The following COL2A1 variants were observed in gnomAD, a reference collection of about 807,000 sequenced individuals.
COL2A1 encodes the protein collagen type II alpha 1 chain, also known as collagen alpha-1(II) chain.
In COL2A1, 28 loss-of-function variants were observed where a neutral mutation model predicts 204.5. The ratio of observed to expected loss-of-function variants is 0.14; its 90% CI spans 0.10 to 0.19. COL2A1 has a LOEUF of 0.19. Among genes scored for constraint, COL2A1 ranks in the 10% least tolerant of loss-of-function variants. COL2A1 has a pLI of 1.00. For missense variants in COL2A1, 1,388 were observed against 2,027.5 expected, an observed-to-expected ratio of 0.68 and a Z score of 6.06; for synonymous variants, 708 against 718.7, an observed-to-expected ratio of 0.99 and a Z score of 0.24.
At position 47,997,644 on chromosome 12, in the gene COL2A1, CA is replaced by C. The variant is rs2136626176; in HGVS notation, c.492del (p.Gly165ValfsTer34). 6.2e-7 allele frequency: 1 copy of C among 1,613,842 alleles called. No homozygotes were observed. The highest frequency in any genetic ancestry group is 8.5e-7 in the Non-Finnish European group (1 of 1,179,902). On this transcript the variant is annotated frameshift_variant, in exon 7 of 54. Transcript: ENST00000380518. LOFTEE classifies it high-confidence loss of function. ...GGGGGACCAGGGGGGCCGGGAGGAC[CA>C]GGGGGGCCAGGATTTCCAGGGGTCC... ...EPGTPGNPGP[P>X]GPPGPPGPPG...
intron 18 of COL2A1, chr12:47,988,599 C>A (rs1402222006): frequency 1.2e-5 from 2 of 160,896 alleles, no homozygotes; most frequent in East Asian, 3.6e-4. Flanking sequence ...ATGGAAACCC[C>A]CAGGAGGGGA....
chr12:47,998,607 C>T (rs1592237101), intron 2 of COL2A1, 176 bp from the exon 3 acceptor site: 2 of 664,682 alleles, frequency 3.0e-6, no homozygotes, highest in East Asian at 2.8e-5. Context: ...GCCACTGTGG[C>T]CCTGGGGTTG....
rs1270552449 is a variant in COL2A1, at chr12:47,978,720, T to C, written c.2772A>G (p.Gly924=). ...CTCGAGCACCTTTGGGACCATCTTT[T>C]CCAGAAGGACCAGGGGGACCAGGGG... ...PGPPGPPGPS[G]KDGPKGARGD... Residue 924 remains glycine (G), a synonymous_variant, in exon 42 of 54, where the codon GGA becomes GGG. Coordinates refer to ENST00000380518, the MANE Select transcript of COL2A1 (RefSeq NM_001844.5). The surrounding 1 kb of genome is among the most constrained non-coding windows in gnomAD (Gnocchi z 5.5). 3 of 1,612,964 alleles carry C rather than the reference T, an allele frequency of 1.9e-6. No homozygotes were observed. The highest frequency in any genetic ancestry group is 1.7e-6 in the Non-Finnish European group (2 of 1,179,982).
chr12:47,973,526 C>T lies in COL2A1; in HGVS notation c.4345G>A (p.Val1449Ile). 1 of 1,614,132 alleles carries T rather than the reference C, an allele frequency of 6.2e-7. No homozygotes were observed. The highest frequency in any genetic ancestry group is 8.5e-7 in the Non-Finnish European group (1 of 1,180,034). Residue 1449 changes from valine (V) to isoleucine (I), a missense_variant, in exon 54 of 54, where the codon GTT becomes ATT. Around this residue, in one of 3 missense-constraint regions of COL2A1, gnomAD observed 303 missense variants for 369.2 expected, o/e 0.82. Transcript: ENST00000380518. ...GTCTTCTGTGACCGGTACTCGATAACAGTCTTGCCCCACTTACCGGTATGT... is the reference window on the plus strand; with the variant it reads ...GTCTTCTGTGACCGGTACTCGATAATAGTCTTGCCCCACTTACCGGTATGT... The part of the protein sequence containing the change: ...TKHTGKWGKT[V>I]IEYRSQKTSR...
At position 47,976,996 on chromosome 12, in the gene COL2A1, G is replaced by A; in HGVS notation, c.3328-77C>T. 6.5e-7 allele frequency: 1 copy of A among 1,533,790 alleles called. No homozygotes were observed. The highest frequency in any genetic ancestry group is 8.9e-7 in the Non-Finnish European group (1 of 1,125,428). ...CCCCTCCTGTCCCACCCAAGCTGAG[G>A]AATCCCCGGAAACACAGGGCTGGAG... On this transcript the variant is annotated intron_variant, in intron 47 of 53. Coordinates refer to ENST00000380518, the MANE Select transcript of COL2A1 (RefSeq NM_001844.5). This position sits in a 1 kb window ranked among gnomAD's most constrained non-coding sequence, Gnocchi z 4.3.
At chr12:47,984,193 A>G (rs1451955462) in intron 28 of COL2A1, 53 bp from the exon 29 acceptor site, 35 of 1,534,604 alleles carry the variant, frequency 2.3e-5, no homozygotes, top group Non-Finnish European at 3.0e-5. Context: ...TCCCACTTGC[A>G]GTCCCCCTAG....
chr12:47,986,515 T>C lies in COL2A1; in HGVS notation c.1420-72A>G, dbSNP rs1052714833. 1.2e-5 allele frequency: 11 copies of C among 952,850 alleles called. No individual in the cohort carries two copies. In the African/African-American group the frequency reaches 1.8e-4, roughly 15 times the overall value. The allele number at this position is 952,850 out of a possible 1,614,324, so 59.0% of individuals were successfully genotyped here. On this transcript the variant is annotated intron_variant, in intron 22 of 53. Coordinates refer to ENST00000380518, the MANE Select transcript of COL2A1 (RefSeq NM_001844.5). The stretch of plus-strand genomic sequence containing the variant: ...TTGGAGCAAGCCTCGACTCAGAGTA[T>C]GAAGGAAGTAGCCTTGGCAACTGTT...
intron 35 of COL2A1, 125 bp from the exon 36 acceptor site, chr12:47,981,954 C>T (rs1277706904): frequency 3.1e-6 from 4 of 1,303,216 alleles, no homozygotes; most frequent in Non-Finnish European, 4.4e-6. Flanking sequence ...CCCTCTGGCC[C>T]CATTTTAACA....
chr12:47,985,725 T>C lies in COL2A1; in HGVS notation c.1680+3A>G. On this transcript the variant is annotated splice_donor_region_variant and intron_variant, in intron 25 of 53. Coordinates refer to ENST00000380518, the MANE Select transcript of COL2A1 (RefSeq NM_001844.5). Reference sequence around the variant, plus strand: ...CAAGGGCAACAGCAGCTCTGCTACTTACCCGGGCTCCAGGAAGGCCAGGTT... The same window carrying C: ...CAAGGGCAACAGCAGCTCTGCTACTCACCCGGGCTCCAGGAAGGCCAGGTT... 3.1e-6 allele frequency: 5 copies of C among 1,613,866 alleles called. No homozygotes were observed. The highest frequency in any genetic ancestry group is 4.2e-6 in the Non-Finnish European group (5 of 1,179,880).
Position 47,980,486 on chromosome 12 carries a change from G to A in COL2A1, c.2625+68C>T, listed in dbSNP as rs1938993435. The A allele has an allele frequency of 7.2e-7, 1 of 1,383,398 alleles. No individual in the cohort carries two copies. Among genetic ancestry groups the A allele is most frequent in the East Asian group, 2.5e-5 (1 of 40,504 alleles). The allele number at this position is 1,383,398 out of a possible 1,614,324, so 85.7% of individuals were successfully genotyped here. On this transcript the variant is annotated intron_variant, in intron 39 of 53. Transcript: ENST00000380518. This position sits in a 1 kb window ranked among gnomAD's most constrained non-coding sequence, Gnocchi z 4.5. ...AACCATCCTCTGCGCAGCCTGCTGG[G>A]GCCTTCCCATCTGCACGCCAGGAGC...
At chr12:47,983,483 G>C in intron 30 of COL2A1, 45 bp from the exon 31 acceptor site, 1 of 1,588,936 alleles carries the variant, frequency 6.3e-7, no homozygotes, top group South Asian at 1.1e-5. Flanking sequence ...TGAGTTTGCT[G>C]CCCTGGCCCC....
intron 40 of COL2A1, among the ~76,000 whole-genome samples, chr12:47,979,791 T>C (rs1938938393): frequency 6.6e-6 from 1 of 152,128 alleles, no homozygotes; most frequent in Admixed American, 6.5e-5. Flanking sequence ...TTCAGGGAGC[T>C]GAACGAGGGA....
At chr12:47,998,088 T>C (rs377730554) in intron 4 of COL2A1, 24 bp from the exon 5 acceptor site, 11 of 1,614,020 alleles carry the variant, frequency 6.8e-6, no homozygotes, top group South Asian at 5.5e-5. Flanking sequence ...CCCCACAGGA[T>C]GGTAAGTTAG....
chr12:47,988,690 C>T (rs970807303), intron 18 of COL2A1, among the ~76,000 whole-genome samples: 18 of 152,240 alleles, frequency 1.2e-4, no homozygotes, highest in Non-Finnish European at 2.2e-4. Flanking sequence ...TCCTGGGCTG[C>T]GAGGCCTGTC....
chr12:47,983,518 C>T lies in COL2A1; in HGVS notation c.1996-80G>A, dbSNP rs535040343. On this transcript the variant is annotated intron_variant, in intron 30 of 53. Transcript: ENST00000380518. ...CCAGGGAGGCACAGTATAGGGCAGACCCAAAGAAAGGAAGCAGCAGCAGTG... is the reference window on the plus strand; with the variant it reads ...CCAGGGAGGCACAGTATAGGGCAGATCCAAAGAAAGGAAGCAGCAGCAGTG... The T allele has an allele frequency of 5.1e-5, 77 of 1,513,794 alleles. 1 individual carries two copies. In the South Asian group the frequency reaches 6.9e-4, roughly 14 times the overall value. The allele number at this position is 1,513,794 out of a possible 1,614,324, so 93.8% of individuals were successfully genotyped here.
intron 51 of COL2A1, 23 bp downstream of exon 51, chr12:47,975,294 G>A (rs530173097): frequency 3.7e-6 from 6 of 1,613,036 alleles, no homozygotes; most frequent in Admixed American, 1.7e-5. Flanking sequence ...CCCGGGGCAG[G>A]GGATCCTGTT....
chr12:47,985,475 C>T, intron 26 of COL2A1, 59 bp downstream of exon 26: 2 of 1,560,044 alleles, frequency 1.3e-6, no homozygotes. Context: ...CTCTCTTTTC[C>T]CTTGCTTCCC....
At chr12:47,998,244 C>T (rs374034531) in intron 3 of COL2A1, 43 bp from the exon 4 acceptor site, 27 of 1,613,720 alleles carry the variant, frequency 1.7e-5, no homozygotes, top group Non-Finnish European at 2.3e-5. Context: ...AGTAAGCCCA[C>T]TAAGCCCCTA....
In COL2A1 at chr12:47,976,149, T is replaced by C; in HGVS notation, c.3490-79A>G. The C allele has an allele frequency of 1.0e-6, 1 of 986,096 alleles. No homozygotes were observed. Among genetic ancestry groups the C allele is most frequent in the Non-Finnish European group, 1.6e-6 (1 of 608,896 alleles). The allele number at this position is 986,096 out of a possible 1,614,324, so 61.1% of individuals were successfully genotyped here. On this transcript the variant is annotated intron_variant, in intron 49 of 53. Transcript: ENST00000380518. The surrounding 1 kb of genome is among the most constrained non-coding windows in gnomAD (Gnocchi z 4.3). ...GAGTCGCTGGGGCTGGGTAGGTGGC[T>C]GTCCTGATAGCACCAGCCACTCCGC...
Sources: gnomAD v4.1 joint callset for allele counts (sites outside exome capture counted in the v4.1 genomes callset) on GRCh38, gnomAD v4.1.1 for gene constraint, gnomAD v4.1.1 regional missense constraint, Gnocchi (gnomAD v3.1) non-coding constraint, MANE v1.5 for transcripts, NCBI Gene and HGNC (gene_info 2026-07-23, HGNC 2026-07-21) for gene names.